Variants in PLCB1 observed in about 807,000 individuals in gnomAD.
PLCB1 encodes the protein phospholipase C beta 1.
PLCB1 carries 46 observed loss-of-function variants against 161.8 expected under a neutral mutation model. The observed-to-expected ratio is 0.28, with a 90% CI of 0.22 to 0.36. The LOEUF (loss-of-function observed/expected upper bound fraction) is 0.36, where lower values mean the gene tolerates loss of function less well. PLCB1 is among the 10% of genes least tolerant of loss of function. PLCB1 has a pLI of 1.00. For synonymous variants in PLCB1, 517 were observed against 503.7 expected, an observed-to-expected ratio of 1.03 and a Z score of -0.35; for missense variants, 1,016 against 1,472.5, an observed-to-expected ratio of 0.69 and a Z score of 5.07.
chr20:8,601,098 T>C (rs1251848295), intron 3 of PLCB1, among the ~76,000 whole-genome samples: 1 of 152,202 alleles, frequency 6.6e-6, no homozygotes, highest in African/African-American at 2.4e-5. Context: ...ACCGGAGCTG[T>C]TCCTATTCGG....
At chr20:8,143,655 A>G (rs2051425761) in intron 1 of PLCB1, among the ~76,000 whole-genome samples, 1 of 152,236 alleles carries the variant, frequency 6.6e-6, no homozygotes. Context: ...GCATGAGTAG[A>G]AGAATGTGTC....
intron 3 of PLCB1, among the ~76,000 whole-genome samples, chr20:8,473,194 C>T (rs1355392606): frequency 6.6e-6 from 1 of 152,176 alleles, no homozygotes; most frequent in African/African-American, 2.4e-5. Context: ...TTTTGGTGAA[C>T]ATGCAGTGAT....
chr20:8,762,292 G>A (rs943215183), intron 25 of PLCB1, among the ~76,000 whole-genome samples: 1 of 151,838 alleles, frequency 6.6e-6, no homozygotes, highest in Non-Finnish European at 1.5e-5. Flanking sequence ...CTAGAATGTT[G>A]TTTAAAATAA....
chr20:8,302,213 C>T lies in PLCB1; in HGVS notation c.178-69169C>T, dbSNP rs142211909. Among the ~76,000 whole-genome samples the T allele has an allele frequency of 2.9e-3, 440 of 152,286 alleles. 1 individual carries two copies. Among genetic ancestry groups the T allele is most frequent in the African/African-American group, 0.01 (425 of 41,564 alleles). ...ACCTTCTCTTTGTATTCTTTGCAAG[C>T]TTTAACCTACTGTTTTAGATATATT... On this transcript the variant is annotated intron_variant, in intron 2 of 31. Coordinates refer to ENST00000338037, the MANE Select transcript of PLCB1 (RefSeq NM_015192.4).
intron 2 of PLCB1, among the ~76,000 whole-genome samples, chr20:8,316,184 C>T (rs904835253): frequency 1.3e-5 from 2 of 152,200 alleles, no homozygotes; most frequent in African/African-American, 4.8e-5. Context: ...TGCAGATCAA[C>T]ATTTGTTGGA....
intron 2 of PLCB1, among the ~76,000 whole-genome samples, chr20:8,248,029 C>G (rs1202316084): frequency 6.6e-6 from 1 of 151,840 alleles, no homozygotes; most frequent in Non-Finnish European, 1.5e-5. Flanking sequence ...ATTGTGTTCC[C>G]CAGAAACAGA....
intron 2 of PLCB1, among the ~76,000 whole-genome samples, chr20:8,192,824 G>T (rs73895585): frequency 0.014 from 2,199 of 152,006 alleles, 46 homozygotes; most frequent in African/African-American, 0.049. Context: ...TTGAGGAGTG[G>T]CCAAATATGG....
chr20:8,575,804 T>TA (rs1412201216), intron 3 of PLCB1, among the ~76,000 whole-genome samples: 1 of 152,256 alleles, frequency 6.6e-6, no homozygotes, highest in Non-Finnish European at 1.5e-5. Context: ...ATATCCACTC[T>TA]ACCATCAGAG....
intron 3 of PLCB1, among the ~76,000 whole-genome samples, chr20:8,585,305 C>T (rs961390649): frequency 6.6e-6 from 1 of 152,164 alleles, no homozygotes; most frequent in Non-Finnish European, 1.5e-5. Context: ...CATGCTGTCC[C>T]ATAAGCTGCG....
intron 10 of PLCB1, among the ~76,000 whole-genome samples, chr20:8,697,252 G>A (rs868542834): frequency 1.3e-5 from 2 of 152,098 alleles, no homozygotes; most frequent in African/African-American, 2.4e-5. Context: ...TTGGGCAACC[G>A]AACTCTGTGC....
At chr20:8,526,438 G>A (rs899357580) in intron 3 of PLCB1, among the ~76,000 whole-genome samples, 6 of 152,030 alleles carry the variant, frequency 3.9e-5, no homozygotes, top group Non-Finnish European at 7.4e-5. Flanking sequence ...GCAATTTCTA[G>A]TGTATTATAC....
intron 3 of PLCB1, among the ~76,000 whole-genome samples, chr20:8,612,771 C>T (rs1257762718): frequency 6.6e-6 from 1 of 152,166 alleles, no homozygotes; most frequent in African/African-American, 2.4e-5. Context: ...ATGACACAGC[C>T]ATACTTCTTT....
At chr20:8,226,976 C>T (rs542818322) in intron 2 of PLCB1, among the ~76,000 whole-genome samples, 3 of 152,250 alleles carry the variant, frequency 2.0e-5, no homozygotes, top group East Asian at 1.9e-4. Flanking sequence ...CATGAGCCAC[C>T]GCGCCCGGCC....
At chr20:8,172,507 T>C (rs1471779249) in intron 2 of PLCB1, among the ~76,000 whole-genome samples, 2 of 151,960 alleles carry the variant, frequency 1.3e-5, no homozygotes, top group African/African-American at 2.4e-5. Flanking sequence ...GGAGGTGAGG[T>C]CAGAGAGATT....
chr20:8,629,473 T>C (rs1988460131), intron 4 of PLCB1, among the ~76,000 whole-genome samples: 1 of 152,216 alleles, frequency 6.6e-6, no homozygotes, highest in African/African-American at 2.4e-5. Context: ...CGTCCAATTG[T>C]CATTGAAAGA....
chr20:8,533,437 A>G (rs944999983), intron 3 of PLCB1, among the ~76,000 whole-genome samples: 15 of 152,028 alleles, frequency 9.9e-5, no homozygotes, highest in Middle Eastern at 3.2e-3. Flanking sequence ...AGAAATCGCC[A>G]CACTGACTTC....
chr20:8,384,101 T>G (rs564431594), intron 3 of PLCB1, among the ~76,000 whole-genome samples: 9 of 152,270 alleles, frequency 5.9e-5, no homozygotes, highest in Admixed American at 5.9e-4. Context: ...TCCTGGATGA[T>G]ATCCTGAAGT....
chr20:8,294,612 G>A (rs1202915776), intron 2 of PLCB1, among the ~76,000 whole-genome samples: 3 of 150,336 alleles, frequency 2.0e-5, no homozygotes, highest in African/African-American at 7.3e-5. Context: ...GATGACCCTG[G>A]ACTAATCTTC....
In PLCB1 at chr20:8,473,695, A is replaced by T. The variant is rs116816050; in HGVS notation, c.246+102245A>T. On this transcript the variant is annotated intron_variant, in intron 3 of 31. Transcript: ENST00000338037. Reference sequence around the variant, plus strand: ...CCTCTTCTCCAAAATAGAAAATGACATCATGTAATTGGTTTTGTCTGAACT... The same window carrying T: ...CCTCTTCTCCAAAATAGAAAATGACTTCATGTAATTGGTTTTGTCTGAACT... 9.6e-3 allele frequency among the ~76,000 whole-genome samples: 1,460 copies of T among 152,258 alleles called. 25 individuals are homozygous for T. Among genetic ancestry groups the T allele is most frequent in the African/African-American group, 0.033 (1,357 of 41,550 alleles).
Sources: allele counts gnomAD v4.1 joint callset (sites outside exome capture counted in the v4.1 genomes callset), GRCh38; gene constraint gnomAD v4.1.1; transcripts MANE v1.5; gene names NCBI Gene and HGNC (gene_info 2026-07-23, HGNC 2026-07-21).